The following UNC93A variants were observed in gnomAD, a reference collection of about 807,000 sequenced individuals.
UNC93A encodes N-acetylglucosamine transporter UNC93A.
UNC93A carries 43 observed loss-of-function variants against 47.5 expected under a neutral mutation model. The ratio of observed to expected loss-of-function variants is 0.91; its 90% CI spans 0.71 to 1.17. The LOEUF is 1.17. UNC93A is among the 50% of genes most tolerant of loss of function. The probability of loss-of-function intolerance (pLI) is 0.00; values close to 1 mark genes in which losing one functional copy is unlikely to be tolerated. For missense variants in UNC93A, 605 were observed against 577.6 expected (o/e 1.05, Z -0.49); for synonymous variants, 280 against 258.0 (o/e 1.09, Z -0.82).
intron 4 of UNC93A, among the ~76,000 whole-genome samples, chr6:167,300,226 A>T (rs1291263695): frequency 9.9e-5 from 15 of 152,224 alleles, no homozygotes; most frequent in African/African-American, 3.4e-4. Context: ...GCATCTTCCA[A>T]CATGGTGACT....
chr6:167,305,841 C>T (rs934613480), intron 5 of UNC93A, 74 bp from the exon 6 acceptor site: 7 of 1,602,988 alleles, frequency 4.4e-6, no homozygotes, highest in Middle Eastern at 1.7e-4. Flanking sequence ...GTTCTAAGCA[C>T]CCGACTGCAG....
chr6:167,291,622 A>G, intron 1 of UNC93A, 46 bp downstream of exon 1: 2 of 1,546,636 alleles, frequency 1.3e-6, no homozygotes, highest in Non-Finnish European at 1.8e-6. Context: ...TTGGCCTCCA[A>G]GAATCCCTGT....
At position 167,274,062 on chromosome 6, in the gene UNC93A, G is replaced by C. The variant is rs143755611; in HGVS notation, c.-52+2604G>C. Among the ~76,000 whole-genome samples, 7 of 152,228 alleles carry C rather than the reference G, an allele frequency of 4.6e-5. No homozygotes were observed. The East Asian group carries it at 1.4e-3, about 29-fold the overall frequency. Reference sequence around the variant, plus strand: ...TTCCCCACAAGAGACAGCTTTGCAGGGACATTTCAAGATATGGCCAAGAAA... The same window carrying C: ...TTCCCCACAAGAGACAGCTTTGCAGCGACATTTCAAGATATGGCCAAGAAA... On this transcript the variant is annotated intron_variant, in intron 1 of 3. Transcript: ENST00000503433.
rs540401171 is a variant in UNC93A at position 167,294,703 on chromosome 6, G to A, written c.269+5G>A. On this transcript the variant is annotated splice_donor_5th_base_variant and intron_variant, in intron 2 of 7. Coordinates refer to ENST00000230256, the MANE Select transcript of UNC93A (RefSeq NM_018974.4). ...GGGCAACTTCTTCGCCAGCTGGTAC[G>A]CAGCCACCACCCCCTGCCCACCCCA... The A allele has an allele frequency of 1.9e-5, 30 of 1,583,456 alleles. 1 individual carries two copies. Among genetic ancestry groups the A allele is most frequent in the South Asian group, 7.0e-5 (6 of 85,966 alleles).
At chr6:167,293,468 G>A (rs1251009818) in intron 1 of UNC93A, among the ~76,000 whole-genome samples, 3 of 152,146 alleles carry the variant, frequency 2.0e-5, no homozygotes, top group African/African-American at 7.2e-5. Flanking sequence ...AACTGGGACA[G>A]CTGTCTCTGC....
chr6:167,300,072 A>G (rs1778199334), intron 4 of UNC93A, among the ~76,000 whole-genome samples: 1 of 152,024 alleles, frequency 6.6e-6, no homozygotes, highest in South Asian at 2.1e-4. Context: ...GGAAGAGAAG[A>G]CAGCCCTGGG....
intron 1 of UNC93A, among the ~76,000 whole-genome samples, chr6:167,281,935 G>A (rs1783641417): frequency 6.6e-6 from 1 of 152,174 alleles, no homozygotes; most frequent in Admixed American, 6.5e-5. Flanking sequence ...TCCAAGTCAT[G>A]GTGACATGTA....
In UNC93A at chr6:167,304,084, C is replaced by A; in HGVS notation, c.791C>A (p.Pro264Gln). ...DKRLCLLILL[P>Q]LYSGLQQGFL... Reference sequence around the variant, plus strand: ...CGTCTGTGCCTCTTAATTCTGCTGCCGCTGTACAGTGGATTGCAGCAAGGA... The same window carrying A: ...CGTCTGTGCCTCTTAATTCTGCTGCAGCTGTACAGTGGATTGCAGCAAGGA... Residue 264 changes from proline (P) to glutamine (Q), a missense_variant, in exon 5 of 8, where the codon CCG becomes CAG. By Grantham distance (76) the Pro-to-Gln change is moderately conservative (BLOSUM62 -1). Coordinates refer to ENST00000230256, the MANE Select transcript of UNC93A (RefSeq NM_018974.4). 2 of 1,614,126 alleles carry A rather than the reference C, an allele frequency of 1.2e-6. No individual in the cohort carries two copies. Among genetic ancestry groups the A allele is most frequent in the Non-Finnish European group, 1.7e-6 (2 of 1,180,026 alleles).
intron 7 of UNC93A, among the ~76,000 whole-genome samples, chr6:167,314,714 G>T (rs1286139556): frequency 6.6e-6 from 1 of 152,140 alleles, no homozygotes; most frequent in African/African-American, 2.4e-5. Flanking sequence ...AAACTCAAAA[G>T]AATGCCACCA....
intron 1 of UNC93A, among the ~76,000 whole-genome samples, chr6:167,272,610 T>G (rs1783467332): frequency 6.6e-6 from 1 of 152,180 alleles, no homozygotes; most frequent in Non-Finnish European, 1.5e-5. Context: ...AGAAGTACAT[T>G]GGTTTGGTCC....
chr6:167,275,577 A>G (rs575450035), intron 1 of UNC93A, among the ~76,000 whole-genome samples: 3 of 152,340 alleles, frequency 2.0e-5, no homozygotes, highest in East Asian at 1.9e-4. Flanking sequence ...GCACAGACAC[A>G]GTGCGTGTGT....
chr6:167,300,749 T>G (rs998828700), intron 4 of UNC93A, among the ~76,000 whole-genome samples: 3 of 152,044 alleles, frequency 2.0e-5, no homozygotes, highest in African/African-American at 7.3e-5. Flanking sequence ...CCTCACCACC[T>G]CCTCTACATA....
intron 1 of UNC93A, among the ~76,000 whole-genome samples, chr6:167,274,964 ACAT>A (rs956902331): frequency 2.6e-4 from 39 of 152,322 alleles, no homozygotes; most frequent in African/African-American, 9.1e-4. Flanking sequence ...AGTCCTTCAT[ACAT>A]CAACTGGTGT....
Position 167,291,417 on chromosome 6 carries a change from T to C in UNC93A, c.-73T>C, listed in dbSNP as rs190405635. On this transcript the variant is annotated 5_prime_UTR_variant, in exon 1 of 8. The change abolishes an upstream ATG in the 5' untranslated region. Transcript: ENST00000230256. ...TTCTTGGTACTGATTGTTTTTCCCA[T>C]GCCTCAATTGGTTTCTTTTAGGGAG... is the stretch of plus-strand genomic sequence containing the variant. The C allele has an allele frequency of 2.0e-5, 27 of 1,344,328 alleles. No individual in the cohort carries two copies. Among genetic ancestry groups the C allele is most frequent in the Middle Eastern group, 1.8e-4 (1 of 5,460 alleles). 83.3% of individuals were successfully genotyped at this position (1,344,328 alleles called of 1,614,324 possible). A position where few individuals can be genotyped will look rare whatever the true frequency, so the allele number is the denominator to read the frequency against.
intron 7 of UNC93A, among the ~76,000 whole-genome samples, chr6:167,312,180 G>A (rs1778576520): frequency 6.6e-6 from 1 of 151,868 alleles, no homozygotes; most frequent in Non-Finnish European, 1.5e-5. Context: ...CTGGGGCTGT[G>A]GGTTTGCGGA....
At chr6:167,285,077 G>T (rs537318061) in intron 1 of UNC93A, among the ~76,000 whole-genome samples, 106 of 152,224 alleles carry the variant, frequency 7.0e-4, no homozygotes, top group Middle Eastern at 3.4e-3. Context: ...CACCGTCTGG[G>T]CCTTCGGGCC....
intron 1 of UNC93A, 49 bp from the exon 2 acceptor site, chr6:167,294,468 C>T (rs1184483520): frequency 1.2e-6 from 2 of 1,601,706 alleles, no homozygotes; most frequent in Non-Finnish European, 1.7e-6. Flanking sequence ...GGTGCCTCAT[C>T]CCGCTGTGTC....
At chr6:167,310,545 G>C (rs372183182) in intron 7 of UNC93A, among the ~76,000 whole-genome samples, 2 of 118,314 alleles carry the variant, frequency 1.7e-5, no homozygotes, top group Non-Finnish European at 3.7e-5. Context: ...AATTGAAACT[G>C]TTTCTGTCTT....
chr6:167,272,648 G>T (rs1242696829), intron 1 of UNC93A, among the ~76,000 whole-genome samples: 3 of 152,184 alleles, frequency 2.0e-5, no homozygotes, highest in Non-Finnish European at 4.4e-5. Context: ...TGAAGTGCTG[G>T]TGGGAGGTTT....
Sources: allele counts gnomAD v4.1 joint callset (sites outside exome capture counted in the v4.1 genomes callset), GRCh38; gene constraint gnomAD v4.1.1; transcripts MANE v1.5; gene names NCBI Gene and HGNC (gene_info 2026-07-23, HGNC 2026-07-21).